The following MARCHF3 variants were observed in gnomAD, a reference collection of about 807,000 sequenced individuals.
MARCHF3 encodes the protein membrane associated ring-CH-type finger 3.
In MARCHF3, 13 loss-of-function variants were observed where a neutral mutation model predicts 24.2. That is an observed-to-expected ratio of 0.54 (90% CI 0.35 to 0.85). MARCHF3 has a LOEUF of 0.85. MARCHF3 is among the 40% of genes least tolerant of loss of function. MARCHF3 has a pLI of 0.01. For synonymous variants in MARCHF3, 144 were observed against 137.3 expected, an observed-to-expected ratio of 1.05 and a Z score of -0.34; for missense variants, 276 against 325.0, an observed-to-expected ratio of 0.85 and a Z score of 1.16.
chr5:126,875,277 A>G (rs1753109733), intron 4 of MARCHF3, among the ~76,000 whole-genome samples: 1 of 152,146 alleles, frequency 6.6e-6, no homozygotes, highest in African/African-American at 2.4e-5. Flanking sequence ...GGAACACAGC[A>G]GGTTCCAGAA....
intron 1 of MARCHF3, among the ~76,000 whole-genome samples, chr5:126,946,784 G>C (rs928362287): frequency 2.0e-5 from 3 of 151,548 alleles, no homozygotes; most frequent in East Asian, 1.9e-4. Context: ...GTGTGTGTGT[G>C]TGTGTGTGTG....
intron 1 of MARCHF3, among the ~76,000 whole-genome samples, chr5:126,937,738 T>C (rs1754924771): frequency 6.6e-6 from 1 of 152,190 alleles, no homozygotes; most frequent in Non-Finnish European, 1.5e-5. Context: ...GTGACCTTGG[T>C]TGTTGTTTTT....
At chr5:126,893,931 CT>C (rs1753782262) in intron 3 of MARCHF3, among the ~76,000 whole-genome samples, 1 of 81,390 alleles carries the variant, frequency 1.2e-5, no homozygotes, top group Non-Finnish European at 2.3e-5. Flanking sequence ...GTCTAAGTCT[CT>C]TTGTAGGTCA....
intron 1 of MARCHF3, among the ~76,000 whole-genome samples, chr5:126,995,295 T>G (rs73786279): frequency 1.3e-5 from 2 of 152,184 alleles, no homozygotes; most frequent in East Asian, 3.8e-4. Context: ...AATGTACCAG[T>G]GTGCAACTGG....
chr5:126,946,761 G>GGGGT (rs1186024076), intron 1 of MARCHF3, among the ~76,000 whole-genome samples: 1 of 135,946 alleles, frequency 7.4e-6, no homozygotes, highest in African/African-American at 2.8e-5. Context: ...TGTAAGTAGG[G>GGGGT]GTGTGTGTGT....
intron 1 of MARCHF3, among the ~76,000 whole-genome samples, chr5:126,963,603 G>T (rs893777672): frequency 6.6e-6 from 1 of 152,038 alleles, no homozygotes; most frequent in African/African-American, 2.4e-5. Context: ...AAGATTAATT[G>T]GATCTAAGAT....
At chr5:126,886,766 C>T (rs1394067895) in intron 3 of MARCHF3, among the ~76,000 whole-genome samples, 1 of 152,150 alleles carries the variant, frequency 6.6e-6, no homozygotes, top group Non-Finnish European at 1.5e-5. Context: ...TCCACCATTC[C>T]AACTCCCCCA....
At position 126,906,072 on chromosome 5, in the gene MARCHF3, A is replaced by C. The variant is rs199931577; in HGVS notation, c.393+8858T>G. ...GGCCTTTTCTGCATCTATTGAGATA[A>C]TCATGTGGTTTTTGTCTTTGGTTCT... On this transcript the variant is annotated intron_variant, in intron 3 of 4. Transcript: ENST00000308660. 1.9e-3 allele frequency among the ~76,000 whole-genome samples: 293 copies of C among 150,946 alleles called. 4 individuals are homozygous for C. In the East Asian group the frequency reaches 0.052, roughly 27 times the overall value.
At chr5:126,932,733 T>C (rs1378780622) in intron 1 of MARCHF3, among the ~76,000 whole-genome samples, 5 of 152,104 alleles carry the variant, frequency 3.3e-5, no homozygotes, top group African/African-American at 1.2e-4. Context: ...AGGGGTAAAA[T>C]ACGGGGCTCT....
intron 1 of MARCHF3, among the ~76,000 whole-genome samples, chr5:126,938,914 T>G (rs951653091): frequency 6.6e-6 from 1 of 152,214 alleles, no homozygotes; most frequent in Admixed American, 6.5e-5. Flanking sequence ...ATATAGTGAT[T>G]TCCTTTTGCT....
At chr5:127,007,085 G>A (rs1055964592) in intron 1 of MARCHF3, among the ~76,000 whole-genome samples, 4 of 151,768 alleles carry the variant, frequency 2.6e-5, no homozygotes, top group Admixed American at 6.6e-5. Flanking sequence ...TTTCATCAGC[G>A]AAACAAAGTA....
chr5:126,903,163 A>G (rs892155985), intron 3 of MARCHF3, among the ~76,000 whole-genome samples: 1 of 152,026 alleles, frequency 6.6e-6, no homozygotes, highest in Non-Finnish European at 1.5e-5. Flanking sequence ...AGAAATGCAC[A>G]GTGTATTAGA....
At chr5:126,912,317 G>C (rs1387079634) in intron 3 of MARCHF3, among the ~76,000 whole-genome samples, 2 of 152,212 alleles carry the variant, frequency 1.3e-5, no homozygotes, top group East Asian at 3.8e-4. Flanking sequence ...GGTGTTAAAA[G>C]TAATTCCAAC....
chr5:126,931,788 G>A (rs916071998), intron 1 of MARCHF3, among the ~76,000 whole-genome samples: 11 of 152,158 alleles, frequency 7.2e-5, no homozygotes, highest in African/African-American at 2.7e-4. Flanking sequence ...AACTGGACTA[G>A]AGTAGAAGCC....
chr5:126,990,273 C>A (rs193265603), intron 1 of MARCHF3, among the ~76,000 whole-genome samples: 2 of 151,954 alleles, frequency 1.3e-5, no homozygotes, highest in Non-Finnish European at 2.9e-5. Context: ...CTTTGACAAA[C>A]CTGACAAAAA....
intron 1 of MARCHF3, among the ~76,000 whole-genome samples, chr5:126,935,891 A>G (rs933113336): frequency 6.6e-6 from 1 of 152,094 alleles, no homozygotes; most frequent in African/African-American, 2.4e-5. Context: ...GATTACAGGC[A>G]TGAGCCACCA....
At position 126,915,041 on chromosome 5, in the gene MARCHF3, C is replaced by A. The variant is rs371372421; in HGVS notation, c.282G>T (p.Gly94=). The change falls in exon 3 of 5, where the codon GGG becomes GGT. Residue 94 remains glycine, a synonymous_variant. Coordinates refer to ENST00000308660, the MANE Select transcript of MARCHF3 (RefSeq NM_178450.5). ...LSPCECTGTL[G]TIHRSCLEHW... ...GCTCCAGGCAGCTCCGATGAATTGT[C>A]CCCAAGGTCCCTGTACATTCACATG... is the stretch of plus-strand genomic sequence containing the variant. 2 of 1,614,192 alleles carry A rather than the reference C, an allele frequency of 1.2e-6. No homozygotes were observed. The highest frequency in any genetic ancestry group is 2.2e-5 in the South Asian group (2 of 91,084).
At chr5:127,006,102 T>G (rs528495020) in intron 1 of MARCHF3, among the ~76,000 whole-genome samples, 1 of 151,432 alleles carries the variant, frequency 6.6e-6, no homozygotes, top group South Asian at 2.1e-4. Flanking sequence ...ACTCGGGATG[T>G]TGAGGTATGA....
At chr5:126,871,075 T>C (rs1016110088) in intron 4 of MARCHF3, among the ~76,000 whole-genome samples, 5 of 151,950 alleles carry the variant, frequency 3.3e-5, no homozygotes, top group Non-Finnish European at 7.4e-5. Flanking sequence ...GAAAATGAGG[T>C]TATTTCTGAG....
Sources: gnomAD v4.1 joint callset for allele counts (sites outside exome capture counted in the v4.1 genomes callset) on GRCh38, gnomAD v4.1.1 for gene constraint, MANE v1.5 for transcripts, NCBI Gene and HGNC (gene_info 2026-07-23, HGNC 2026-07-21) for gene names.